EYS: variants seen among roughly 807,000 people sequenced by gnomAD.
The protein encoded by EYS is EGF-like photoreceptor maintenance factor.
EYS carries 250 observed loss-of-function variants against 282.1 expected under a neutral mutation model. The observed-to-expected ratio is 0.89, with a 90% CI of 0.80 to 0.98. EYS has a LOEUF of 0.98. Among genes scored for constraint, EYS ranks in the 50% least tolerant of loss-of-function variants. EYS has a pLI of 0.00. For missense variants in EYS, 4,016 were observed against 3,709.0 expected (o/e 1.08, Z -2.15); for synonymous variants, 1,355 against 1,282.9 (o/e 1.06, Z -1.20).
intron 33 of EYS, among the ~76,000 whole-genome samples, chr6:64,018,961 G>T (rs563572927): frequency 6.6e-6 from 1 of 151,942 alleles, no homozygotes; most frequent in African/African-American, 2.4e-5. Flanking sequence ...TTTTAGTAGA[G>T]ACGGGGTTTC....
At chr6:64,074,622 C>A (rs1340707080) in intron 32 of EYS, among the ~76,000 whole-genome samples, 2 of 151,566 alleles carry the variant, frequency 1.3e-5, no homozygotes, top group Non-Finnish European at 3.0e-5. Flanking sequence ...AAAAGAGGTT[C>A]ATTGGTTATC....
chr6:65,400,830 T>C (rs989643103), intron 7 of EYS, among the ~76,000 whole-genome samples: 1 of 151,880 alleles, frequency 6.6e-6, no homozygotes, highest in Admixed American at 6.6e-5. Flanking sequence ...ACATTTTTTT[T>C]CTCCCAAATT....
At chr6:63,737,064 C>T (rs1246889046) in intron 41 of EYS, among the ~76,000 whole-genome samples, 18 of 150,316 alleles carry the variant, frequency 1.2e-4, no homozygotes, top group African/African-American at 3.7e-4. Flanking sequence ...CTTTTCCTAA[C>T]TGAATACCCT....
intron 2 of EYS, among the ~76,000 whole-genome samples, chr6:65,565,503 G>C (rs1301824412): frequency 6.6e-6 from 1 of 152,044 alleles, no homozygotes; most frequent in South Asian, 2.1e-4. Context: ...GTTGGTGGGA[G>C]TATAAATTAG....
chr6:64,416,621 G>C (rs1244620523), intron 28 of EYS, among the ~76,000 whole-genome samples: 1 of 149,612 alleles, frequency 6.7e-6, no homozygotes, highest in African/African-American at 2.5e-5. Context: ...AACTTCATAA[G>C]TACTTAATGT....
At chr6:65,584,761 C>T (rs1021776420) in intron 2 of EYS, among the ~76,000 whole-genome samples, 1 of 151,484 alleles carries the variant, frequency 6.6e-6, no homozygotes, top group African/African-American at 2.4e-5. Flanking sequence ...GGATGATATA[C>T]ATATCTTTAT....
intron 40 of EYS, among the ~76,000 whole-genome samples, chr6:63,775,446 G>C (rs900708233): frequency 1.3e-5 from 2 of 152,184 alleles, no homozygotes; most frequent in African/African-American, 4.8e-5. Flanking sequence ...TGGTGCTTCT[G>C]TGTTGGTACT....
chr6:63,896,792 C>T (rs1279433486), intron 35 of EYS, among the ~76,000 whole-genome samples: 1 of 152,170 alleles, frequency 6.6e-6, no homozygotes. Context: ...AAAGTCATAT[C>T]GTTGAAGTCA....
chr6:64,122,662 G>A (rs1411785283), intron 31 of EYS, among the ~76,000 whole-genome samples: 2 of 150,956 alleles, frequency 1.3e-5, no homozygotes, highest in Non-Finnish European at 2.9e-5. Flanking sequence ...TCATTAATAT[G>A]TTAAAAAAAT....
intron 22 of EYS, among the ~76,000 whole-genome samples, chr6:64,694,979 T>C (rs954079339): frequency 6.6e-6 from 1 of 152,130 alleles, no homozygotes; most frequent in South Asian, 2.1e-4. Flanking sequence ...TGCTAGTCTC[T>C]GGAGCCTGAG....
intron 35 of EYS, among the ~76,000 whole-genome samples, chr6:63,876,522 A>G (rs945867832): frequency 7.9e-5 from 12 of 152,140 alleles, no homozygotes; most frequent in African/African-American, 2.9e-4. Flanking sequence ...ATTCCTGGAT[A>G]TCCTTGTTAA....
At chr6:64,880,442 G>C (rs911310171) in intron 19 of EYS, among the ~76,000 whole-genome samples, 1 of 151,656 alleles carries the variant, frequency 6.6e-6, no homozygotes, top group Non-Finnish European at 1.5e-5. Context: ...ATATCAGTTA[G>C]TAAGGAACTA....
intron 16 of EYS, among the ~76,000 whole-genome samples, chr6:64,909,138 C>T (rs951015263): frequency 3.3e-5 from 5 of 152,130 alleles, no homozygotes; most frequent in African/African-American, 9.7e-5. Context: ...GGCATATCTT[C>T]ACCATGTTTA....
intron 15 of EYS, among the ~76,000 whole-genome samples, chr6:64,914,138 T>C (rs955263751): frequency 4.6e-5 from 7 of 152,006 alleles, no homozygotes; most frequent in Non-Finnish European, 8.8e-5. Flanking sequence ...ACACAAAGTG[T>C]CCATTTGAGG....
chr6:65,554,967 T>G (rs964169851), intron 2 of EYS, among the ~76,000 whole-genome samples: 24 of 152,006 alleles, frequency 1.6e-4, no homozygotes, highest in Middle Eastern at 3.4e-3. Flanking sequence ...AATTTCTTCT[T>G]GGTCATAAAA....
chr6:65,447,765 T>A (rs934653494), intron 5 of EYS, among the ~76,000 whole-genome samples: 4 of 151,586 alleles, frequency 2.6e-5, no homozygotes, highest in Non-Finnish European at 5.9e-5. Flanking sequence ...TGCAGAGAGA[T>A]AAATAACTAA....
At chr6:63,896,548 C>G (rs1773542092) in intron 35 of EYS, among the ~76,000 whole-genome samples, 1 of 152,182 alleles carries the variant, frequency 6.6e-6, no homozygotes, top group Non-Finnish European at 1.5e-5. Context: ...ATTGATGAGG[C>G]TACACTGACA....
At chr6:64,958,697 A>T (rs1164113784) in intron 14 of EYS, among the ~76,000 whole-genome samples, 13 of 131,500 alleles carry the variant, frequency 9.9e-5, no homozygotes, top group Middle Eastern at 4.2e-3. Context: ...ATCGCGCCAC[A>T]GCACTCCAGC....
chr6:65,443,729 C>T (rs401310), intron 5 of EYS, among the ~76,000 whole-genome samples: 15 of 53,670 alleles, frequency 2.8e-4, no homozygotes, highest in Admixed American at 9.2e-4. Flanking sequence ...TATACACATA[C>T]GTGCATATAC....
Sources: allele counts gnomAD v4.1 joint callset (sites outside exome capture counted in the v4.1 genomes callset), GRCh38; gene constraint gnomAD v4.1.1; transcripts MANE v1.5; gene names NCBI Gene and HGNC (gene_info 2026-07-23, HGNC 2026-07-21).